SLC12A5: variants seen among roughly 807,000 people sequenced by gnomAD.
SLC12A5 encodes the protein solute carrier family 12 member 5.
SLC12A5 carries 18 observed loss-of-function variants against 124.0 expected under a neutral mutation model. That is an observed-to-expected ratio of 0.15 (90% confidence interval 0.10 to 0.22). The LOEUF (loss-of-function observed/expected upper bound fraction) is 0.22, where lower values mean the gene tolerates loss of function less well. Among genes scored for constraint, SLC12A5 ranks in the 10% least tolerant of loss-of-function variants. The pLI is 1.00. For missense variants in SLC12A5, 867 were observed against 1,478.7 expected (o/e 0.59, Z 6.78); for synonymous variants, 589 against 568.0 (o/e 1.04, Z -0.53).
Position 46,056,803 on chromosome 20 carries a change from G to A in SLC12A5, c.3111-94G>A, listed in dbSNP as rs2084700222. ...TGGGGGCTGGCAGAGCAGGACTCAG[G>A]GCAGATGACCATGGCCCAAGCCCCC... On this transcript the variant is annotated intron_variant, in intron 23 of 25. Transcript: ENST00000243964. The surrounding 1 kb of genome is among the most constrained non-coding windows in gnomAD (Gnocchi z 4.3). 1.5e-6 allele frequency: 2 copies of A among 1,378,540 alleles called. No homozygotes were observed. The highest frequency in any genetic ancestry group is 2.1e-6 in the Non-Finnish European group (2 of 969,860). The allele number at this position is 1,378,540 out of a possible 1,614,324, so 85.4% of individuals were successfully genotyped here. A position where few individuals can be genotyped will look rare whatever the true frequency, so the allele number is the denominator to read the frequency against.
In SLC12A5 at chr20:46,056,555, G is replaced by A. The variant is rs750612388; in HGVS notation, c.3101G>A (p.Ser1034Asn). The A allele has an allele frequency of 6.2e-7, 1 of 1,613,938 alleles. No homozygotes were observed. The highest frequency in any genetic ancestry group is 8.5e-7 in the Non-Finnish European group (1 of 1,179,872). ...TCTGAGGGCATCAAGGACTTCTTCAGCATGAAGCCGTACGGGCCTGGGGGC... is the reference window on the plus strand; with the variant it reads ...TCTGAGGGCATCAAGGACTTCTTCAACATGAAGCCGTACGGGCCTGGGGGC... ...VSSEGIKDFF[S>N]MKPEWENLNQ... is the part of the protein sequence containing the mutation. Residue 1034 changes from serine (S) to asparagine (N), a missense_variant, in exon 23 of 26, where the codon AGC (serine) becomes AAC (asparagine). By Grantham distance (46) the Ser-to-Asn change is conservative. Around this residue, in one of 9 missense-constraint regions of SLC12A5, gnomAD observed 180 missense variants for 243.6 expected, o/e 0.74. Coordinates refer to ENST00000243964, the MANE Select transcript of SLC12A5 (RefSeq NM_020708.5). The surrounding 1 kb of genome is among the most constrained non-coding windows in gnomAD (Gnocchi z 4.3).
chr20:46,056,963 T>G lies in SLC12A5; in HGVS notation c.3125+52T>G. The G allele has an allele frequency of 6.2e-7, 1 of 1,613,264 alleles. No homozygotes were observed. The highest frequency in any genetic ancestry group is 8.5e-7 in the Non-Finnish European group (1 of 1,179,268). On this transcript the variant is annotated intron_variant, in intron 24 of 25. Transcript: ENST00000243964. This position sits in a 1 kb window ranked among gnomAD's most constrained non-coding sequence, Gnocchi z 4.3. ...TCTCTCCTAGGATGGCCAGGGTCCC[T>G]ACCCTCCTCACTCTGTTGTGAACCC...
intron 1 of SLC12A5, among the ~76,000 whole-genome samples, chr20:46,031,743 G>A (rs978056599): frequency 6.6e-6 from 1 of 152,138 alleles, no homozygotes; most frequent in Non-Finnish European, 1.5e-5. Context: ...TCTGGCCGCC[G>A]CAGCTTAATT....
chr20:46,048,179 T>C, intron 16 of SLC12A5, 94 bp downstream of exon 16: 2 of 1,171,094 alleles, frequency 1.7e-6, no homozygotes, highest in South Asian at 3.2e-5. Context: ...TGACTTATCC[T>C]GCTTGCTTTG....
rs748652503 is a variant in SLC12A5 at position 46,045,056 on chromosome 20, C to T, written c.1485C>T (p.Thr495=). ...TTGTCATCGGATCCTTCTTCTCCAC[C>T]TGTGGGGCTGGGCTGCAGAGCCTCA... ...WVIVIGSFFS[T]CGAGLQSLTG... Residue 495 remains threonine (T), a synonymous_variant, in exon 12 of 26, where the codon ACC becomes ACT. Transcript: ENST00000243964. This position sits in a 1 kb window ranked among gnomAD's most constrained non-coding sequence, Gnocchi z 4.9. 5.6e-6 allele frequency: 9 copies of T among 1,613,884 alleles called. No individual in the cohort carries two copies. Among genetic ancestry groups the T allele is most frequent in the Non-Finnish European group, 7.6e-6 (9 of 1,179,946 alleles).
chr20:46,034,879 C>A (rs2084483119), intron 1 of SLC12A5, 69 bp from the exon 2 acceptor site: 4 of 1,419,914 alleles, frequency 2.8e-6, no homozygotes, highest in Admixed American at 3.4e-5. Context: ...TGTGGCTACA[C>A]CACTGTATGC....
At chr20:46,044,017 G>A in intron 11 of SLC12A5, 84 bp downstream of exon 11, 1 of 1,389,858 alleles carries the variant, frequency 7.2e-7, no homozygotes, top group Non-Finnish European at 9.7e-7. Context: ...ATCAGGAGGT[G>A]CTGGGACCTG....
In SLC12A5 at chr20:46,022,071, T is replaced by C. The variant is rs1424505314; in HGVS notation, c.48+185T>C. The C allele has an allele frequency of 1.2e-5, 6 of 496,156 alleles. No homozygotes were observed. In the East Asian group the frequency reaches 2.4e-4, roughly 20 times the overall value. 30.7% of individuals were successfully genotyped at this position (496,156 alleles called of 1,614,324 possible). On this transcript the variant is annotated intron_variant, in intron 1 of 2. Transcript: ENST00000413737. ...GGGGCCGGGGCCGCGGAACGCAAAG[T>C]GTGGAGGGGGAGGGGCCAAACGCGA...
chr20:46,036,828 T>A (rs374313739), intron 5 of SLC12A5, 33 bp downstream of exon 5: 49 of 1,612,944 alleles, frequency 3.0e-5, no homozygotes, highest in Middle Eastern at 1.6e-4. Context: ...GGAGGGAGGA[T>A]GGCTGGGTGG....
chr20:46,056,076 T>C lies in SLC12A5; in HGVS notation c.2788-74T>C, dbSNP rs1442897461. 6.3e-7 allele frequency: 1 copy of C among 1,586,238 alleles called. No homozygotes were observed. The highest frequency in any genetic ancestry group is 8.6e-7 in the Non-Finnish European group (1 of 1,165,630). On this transcript the variant is annotated intron_variant, in intron 21 of 25. Coordinates refer to ENST00000243964, the MANE Select transcript of SLC12A5 (RefSeq NM_020708.5). This position sits in a 1 kb window ranked among gnomAD's most constrained non-coding sequence, Gnocchi z 4.3. ...AAGTGCATCCTGGCTGAACATCATC[T>C]CTGGTGATAGCTCTTTGCAGGGCAT...
At position 46,036,805 on chromosome 20, in the gene SLC12A5, T is replaced by G; in HGVS notation, c.481+10T>G. On this transcript the variant is annotated intron_variant, in intron 5 of 25. Transcript: ENST00000243964. ...AATGGTGTTGTGCCTGGTAGGTGAC[T>G]GGGGCTTTGTGGGGAGGGAGGATGG... 1 of 1,613,706 alleles carries G rather than the reference T, an allele frequency of 6.2e-7. No individual in the cohort carries two copies. The highest frequency in any genetic ancestry group is 1.1e-5 in the South Asian group (1 of 91,066).
chr20:46,052,659 A>G (rs1326843520), intron 18 of SLC12A5, among the ~76,000 whole-genome samples: 1 of 152,234 alleles, frequency 6.6e-6, no homozygotes, highest in Non-Finnish European at 1.5e-5. Flanking sequence ...TGTTGGGAGG[A>G]TTCAGTGTGG....
rs760197368 is a variant in SLC12A5, at chr20:46,046,446, C to T, written c.1787+10C>T. On this transcript the variant is annotated intron_variant, in intron 14 of 25. Coordinates refer to ENST00000243964, the MANE Select transcript of SLC12A5 (RefSeq NM_020708.5). ...TTCGATATTACCACTGGTGGGTGCT[C>T]TGTCCCCACACTTCCACTGAGCCAC... 4.3e-6 allele frequency: 7 copies of T among 1,612,470 alleles called. No homozygotes were observed. The East Asian group carries it at 1.6e-4, about 36-fold the overall frequency.
chr20:46,021,693 C>G, upstream of SLC12A5: 1 of 1,504,348 alleles, frequency 6.6e-7, no homozygotes, highest in Non-Finnish European at 8.9e-7. Flanking sequence ...GCTCTTTCTC[C>G]CTCCTAGAGC....
chr20:46,035,373 G>T (rs750253909), intron 2 of SLC12A5, 31 bp from the exon 3 acceptor site: 23 of 1,592,638 alleles, frequency 1.4e-5, no homozygotes, highest in Non-Finnish European at 1.9e-5. Flanking sequence ...TGCTCCCCCA[G>T]CCTCCTAGCA....
At chr20:46,021,705 T>C (rs565684103), upstream of SLC12A5, 2 of 1,522,646 alleles carry the variant, frequency 1.3e-6, no homozygotes, top group South Asian at 1.2e-5. Flanking sequence ...TCCTAGAGCC[T>C]GGTTGCAGCC....
intron 1 of SLC12A5, among the ~76,000 whole-genome samples, chr20:46,030,670 T>C (rs748165519): frequency 2.4e-4 from 37 of 152,300 alleles, no homozygotes; most frequent in Non-Finnish European, 1.8e-4. Flanking sequence ...GGATGGCGCC[T>C]AGGGCTGAAA....
chr20:46,048,867 CA>C (rs11375367), intron 16 of SLC12A5, among the ~76,000 whole-genome samples: 6 of 146,162 alleles, frequency 4.1e-5, no homozygotes, highest in Admixed American at 1.4e-4. Flanking sequence ...GACCCTGTCT[CA>C]AAAAAAAAAA....
rs1459259760 is a variant in SLC12A5 at position 46,045,723 on chromosome 20, C to G, written c.1570-155C>G. ...CAAGATGCAGCGAAAGCCTGTTATC[C>G]ATTTGCATTCTCCTGGAGGAAGAGA... On this transcript the variant is annotated intron_variant, in intron 12 of 25. Transcript: ENST00000243964. The surrounding 1 kb of genome is among the most constrained non-coding windows in gnomAD (Gnocchi z 4.9). Among the ~76,000 whole-genome samples the G allele has an allele frequency of 6.6e-6, 1 of 152,176 alleles. No individual in the cohort carries two copies. The highest frequency in any genetic ancestry group is 1.5e-5 in the Non-Finnish European group (1 of 68,028).
Sources: allele counts gnomAD v4.1 joint callset (sites outside exome capture counted in the v4.1 genomes callset), GRCh38; gene constraint gnomAD v4.1.1; regional missense constraint gnomAD v4.1.1; non-coding constraint Gnocchi (gnomAD v3.1); transcripts MANE v1.5; gene names NCBI Gene and HGNC (gene_info 2026-07-23, HGNC 2026-07-21).